The following PTPRD variants were observed in gnomAD, a reference collection of about 807,000 sequenced individuals.
PTPRD encodes protein tyrosine phosphatase receptor type D.
PTPRD carries 34 observed loss-of-function variants against 214.5 expected under a neutral mutation model. The ratio of observed to expected loss-of-function variants is 0.16; its 90% confidence interval spans 0.12 to 0.21. PTPRD has a LOEUF of 0.21. Among genes scored for constraint, PTPRD ranks in the 10% least tolerant of loss-of-function variants. The probability of loss-of-function intolerance (pLI) is 1.00; values close to 1 mark genes in which losing one functional copy is unlikely to be tolerated. For missense variants in PTPRD, 2,545 were observed against 2,398.7 expected (o/e 1.06, Z -1.27); for synonymous variants, 1,128 against 845.7 (o/e 1.33, Z -5.79).
intron 4 of PTPRD, among the ~76,000 whole-genome samples, chr9:9,990,845 G>C (rs1361009656): frequency 6.6e-6 from 1 of 152,100 alleles, no homozygotes; most frequent in Non-Finnish European, 1.5e-5. Flanking sequence ...TCCACTCTAT[G>C]AGGGTCCTCA....
At chr9:9,250,334 T>C (rs2099974954) in intron 9 of PTPRD, among the ~76,000 whole-genome samples, 1 of 152,068 alleles carries the variant, frequency 6.6e-6, no homozygotes, top group African/African-American at 2.4e-5. Flanking sequence ...AGTATAGGCA[T>C]TGCTTGAATG....
chr9:8,995,425 C>A (rs538765960), intron 11 of PTPRD, among the ~76,000 whole-genome samples: 88 of 151,976 alleles, frequency 5.8e-4, no homozygotes, highest in Admixed American at 1.1e-3. Context: ...AACATTGAAA[C>A]TCGCTGCTGG....
intron 8 of PTPRD, among the ~76,000 whole-genome samples, chr9:9,473,954 GCT>G (rs2094823388): frequency 1.3e-5 from 2 of 151,732 alleles, no homozygotes; most frequent in South Asian, 4.2e-4. Flanking sequence ...CTTTACGGAA[GCT>G]TTTTTGTTTG....
At chr9:10,494,619 C>T (rs1208831375) in intron 2 of PTPRD, among the ~76,000 whole-genome samples, 1 of 146,674 alleles carries the variant, frequency 6.8e-6, no homozygotes, top group Non-Finnish European at 1.5e-5. Flanking sequence ...TTCTCTCAGT[C>T]TGGGGCTTTT....
intron 44 of PTPRD, among the ~76,000 whole-genome samples, 174 bp downstream of exon 44, chr9:8,331,406 ATT>A (rs1563992797): frequency 1.4e-5 from 2 of 147,904 alleles, no homozygotes; most frequent in African/African-American, 5.3e-5. Flanking sequence ...TTTTCCTCTG[ATT>A]ATTTTCACTT....
chr9:8,765,963 C>T (rs1416983712), intron 11 of PTPRD, among the ~76,000 whole-genome samples: 3 of 152,128 alleles, frequency 2.0e-5, no homozygotes, highest in East Asian at 3.9e-4. Context: ...AAATATAGTA[C>T]TCTAAAGCTA....
intron 14 of PTPRD, among the ~76,000 whole-genome samples, chr9:8,599,500 T>C (rs976946800): frequency 7.9e-5 from 12 of 152,104 alleles, no homozygotes; most frequent in African/African-American, 2.9e-4. Context: ...TGATACTTTT[T>C]TTTCTTAATT....
intron 3 of PTPRD, among the ~76,000 whole-genome samples, chr9:10,158,494 G>C (rs72696939): frequency 0.12 from 18,228 of 152,164 alleles, 1,383 homozygotes; most frequent in Middle Eastern, 0.2. Context: ...TTCTGTTCTA[G>C]TACCAAAATA....
At chr9:10,043,085 G>A (rs972609072) in intron 3 of PTPRD, among the ~76,000 whole-genome samples, 6 of 151,836 alleles carry the variant, frequency 4.0e-5, no homozygotes, top group African/African-American at 1.5e-4. Flanking sequence ...CAAACAGAGG[G>A]CAGTAAGAGC....
intron 15 of PTPRD, 163 bp downstream of exon 15, chr9:8,528,428 T>C (rs1385737566): frequency 1.4e-6 from 1 of 700,084 alleles, no homozygotes; most frequent in Non-Finnish European, 2.5e-6. Flanking sequence ...AAACAGGCTA[T>C]GACATCACAA....
At chr9:8,521,663 C>CA in intron 19 of PTPRD, 117 bp from the exon 20 acceptor site, 1 of 1,183,512 alleles carries the variant, frequency 8.4e-7, no homozygotes, top group Non-Finnish European at 1.2e-6. Context: ...GTGGATTGTC[C>CA]AAAAACAAAA....
At chr9:10,418,163 T>C (rs1045898006) in intron 2 of PTPRD, among the ~76,000 whole-genome samples, 1 of 151,842 alleles carries the variant, frequency 6.6e-6, no homozygotes, top group Non-Finnish European at 1.5e-5. Context: ...CATAATGGTA[T>C]AATTATAAAC....
intron 7 of PTPRD, among the ~76,000 whole-genome samples, chr9:9,708,605 G>C (rs532991261): frequency 1.3e-5 from 2 of 151,924 alleles, no homozygotes; most frequent in African/African-American, 4.8e-5. Context: ...AAGTCCTCAA[G>C]AGTATTTCAC....
At chr9:8,328,882 C>T (rs1836750963) in intron 44 of PTPRD, among the ~76,000 whole-genome samples, 1 of 152,026 alleles carries the variant, frequency 6.6e-6, no homozygotes, top group Admixed American at 6.6e-5. Flanking sequence ...TCCATCAGGT[C>T]ATTTATGTTT....
At chr9:9,672,017 G>A (rs2096841264) in intron 7 of PTPRD, among the ~76,000 whole-genome samples, 1 of 152,156 alleles carries the variant, frequency 6.6e-6, no homozygotes, top group Non-Finnish European at 1.5e-5. Context: ...CAACTTGTCA[G>A]GGATGCATTT....
chr9:9,325,558 G>C (rs944202815), intron 9 of PTPRD, among the ~76,000 whole-genome samples: 4 of 152,156 alleles, frequency 2.6e-5, no homozygotes, highest in African/African-American at 9.7e-5. Flanking sequence ...CTGAGACTTT[G>C]CTGAAGTTGC....
At chr9:8,703,249 G>C (rs2098129546) in intron 12 of PTPRD, among the ~76,000 whole-genome samples, 1 of 152,172 alleles carries the variant, frequency 6.6e-6, no homozygotes, top group African/African-American at 2.4e-5. Context: ...ATAAAGTCTA[G>C]AAGCCTAGAA....
Position 9,007,636 on chromosome 9 carries a change from A to G in PTPRD, c.-104+11061T>C, listed in dbSNP as rs890442191. Among the ~76,000 whole-genome samples, 10 of 151,064 alleles carry G rather than the reference A, an allele frequency of 6.6e-5. No individual in the cohort carries two copies. The East Asian group carries it at 9.8e-4, about 15-fold the overall frequency. On this transcript the variant is annotated intron_variant, in intron 11 of 45. Coordinates refer to ENST00000381196, the MANE Select transcript of PTPRD (RefSeq NM_002839.4). Reference sequence around the variant, plus strand: ...ATCATGCCTTTACCTTCCTACATCAATCTGGACCTGTTGCTTTAGATACCT... The same window carrying G: ...ATCATGCCTTTACCTTCCTACATCAGTCTGGACCTGTTGCTTTAGATACCT...
intron 5 of PTPRD, among the ~76,000 whole-genome samples, chr9:9,890,645 T>C (rs867460916): frequency 6.6e-6 from 1 of 152,066 alleles, no homozygotes; most frequent in African/African-American, 2.4e-5. Flanking sequence ...ACTCAATGAA[T>C]GACCCCCAAA....
Sources: allele counts gnomAD v4.1 joint callset (sites outside exome capture counted in the v4.1 genomes callset), GRCh38; gene constraint gnomAD v4.1.1; transcripts MANE v1.5; gene names NCBI Gene and HGNC (gene_info 2026-07-23, HGNC 2026-07-21).